MINDY3: variants seen among roughly 807,000 people sequenced by gnomAD.
MINDY3 encodes the protein ubiquitin carboxyl-terminal hydrolase MINDY-3.
In MINDY3, 38 loss-of-function variants were observed where a neutral mutation model predicts 69.2. That is an observed-to-expected ratio of 0.55 (90% CI 0.42 to 0.72). The LOEUF (loss-of-function observed/expected upper bound fraction) is 0.72. Among genes scored for constraint, MINDY3 ranks in the 30% least tolerant of loss-of-function variants. The pLI is 0.00. For synonymous variants in MINDY3, 192 were observed against 180.1 expected, an observed-to-expected ratio of 1.07 and a Z score of -0.53; for missense variants, 522 against 519.0, an observed-to-expected ratio of 1.01 and a Z score of -0.06.
chr10:15,816,562 A>G (rs1263043263), intron 10 of MINDY3, among the ~76,000 whole-genome samples: 1 of 149,626 alleles, frequency 6.7e-6, no homozygotes, highest in Non-Finnish European at 1.5e-5. Context: ...TGTTTTCTCT[A>G]TAACACAAGT....
intron 11 of MINDY3, among the ~76,000 whole-genome samples, chr10:15,791,280 A>C (rs1251885167): frequency 6.6e-6 from 1 of 152,028 alleles, no homozygotes; most frequent in African/African-American, 2.4e-5. Flanking sequence ...AATTCCTTAG[A>C]AAAAGGCCAG....
chr10:15,844,763 AG>A (rs780855535), intron 2 of MINDY3, among the ~76,000 whole-genome samples: 2 of 152,210 alleles, frequency 1.3e-5, no homozygotes, highest in African/African-American at 2.4e-5. Context: ...ACTATATAGC[AG>A]TATATGAGTG....
chr10:15,846,175 A>G (rs1833830980), intron 2 of MINDY3, among the ~76,000 whole-genome samples: 1 of 152,156 alleles, frequency 6.6e-6, no homozygotes, highest in African/African-American at 2.4e-5. Flanking sequence ...TAGGTTCAGG[A>G]TTTTGAATAT....
chr10:15,781,855 C>G (rs1836556878), intron 14 of MINDY3, among the ~76,000 whole-genome samples: 4 of 152,180 alleles, frequency 2.6e-5, no homozygotes, highest in African/African-American at 9.7e-5. Flanking sequence ...TAACAACTTT[C>G]ACTGGACTAA....
chr10:15,839,872 T>C (rs573350339), intron 4 of MINDY3, among the ~76,000 whole-genome samples: 92 of 151,786 alleles, frequency 6.1e-4, no homozygotes, highest in African/African-American at 2.2e-3. Context: ...GAAAAATTAC[T>C]AAAATGTTTT....
chr10:15,838,042 G>A (rs1203743834), intron 5 of MINDY3, 186 bp downstream of exon 5: 1 of 980,932 alleles, frequency 1.0e-6, no homozygotes. Context: ...TAAGGACTCA[G>A]CATAGTTTAT....
At position 15,838,750 on chromosome 10, in the gene MINDY3, G is replaced by GAC. The variant is rs1247504656; in HGVS notation, c.410-473_410-472dup. ...CACTTTCAAACTACACAGGTTCAATGACAGCTTTAAGTTTGTTTCCTCATT... is the reference window on the plus strand; with the variant it reads ...CACTTTCAAACTACACAGGTTCAATGACACAGCTTTAAGTTTGTTTCCTCATT... On this transcript the variant is annotated intron_variant, in intron 4 of 14. Transcript: ENST00000277632. Among the ~76,000 whole-genome samples the GAC allele has an allele frequency of 7.2e-5, 11 of 151,780 alleles. No homozygotes were observed. In the East Asian group the frequency reaches 1.9e-3, roughly 27 times the overall value.
intron 8 of MINDY3, among the ~76,000 whole-genome samples, chr10:15,828,410 T>C (rs1336797624): frequency 1.3e-5 from 2 of 152,174 alleles, no homozygotes; most frequent in African/African-American, 2.4e-5. Flanking sequence ...ATGCTAGGGC[T>C]GGCGTGGAAG....
chr10:15,796,593 A>G (rs1208443576), intron 10 of MINDY3, among the ~76,000 whole-genome samples: 1 of 152,044 alleles, frequency 6.6e-6, no homozygotes, highest in Admixed American at 6.6e-5. Context: ...ATATTCGAAA[A>G]TAAAATCCAG....
chr10:15,787,880 T>A (rs1837094253), intron 12 of MINDY3, among the ~76,000 whole-genome samples: 1 of 152,146 alleles, frequency 6.6e-6, no homozygotes, highest in South Asian at 2.1e-4. Context: ...ATGGCCCAGT[T>A]ATTTCATGGG....
chr10:15,835,227 A>G (rs1408385413), intron 6 of MINDY3, among the ~76,000 whole-genome samples: 1 of 152,080 alleles, frequency 6.6e-6, no homozygotes, highest in East Asian at 1.9e-4. Flanking sequence ...TCAGAAGGGC[A>G]CTCAACTCCC....
chr10:15,844,577 T>G (rs529472044), intron 2 of MINDY3, among the ~76,000 whole-genome samples: 1 of 152,342 alleles, frequency 6.6e-6, no homozygotes, highest in Non-Finnish European at 1.5e-5. Context: ...TACATTATTG[T>G]GCATTAGGTT....
At chr10:15,818,763 G>C (rs1315986233) in intron 9 of MINDY3, among the ~76,000 whole-genome samples, 1 of 152,178 alleles carries the variant, frequency 6.6e-6, no homozygotes, top group Non-Finnish European at 1.5e-5. Context: ...TGATTCCATT[G>C]GTATGAAATG....
chr10:15,860,256 G>C lies in MINDY3; in HGVS notation c.44C>G (p.Thr15Ser). The C allele has an allele frequency of 1.9e-6, 3 of 1,611,064 alleles. No individual in the cohort carries two copies. Among genetic ancestry groups the C allele is most frequent in the Non-Finnish European group, 2.5e-6 (3 of 1,178,794 alleles). ...GTCCGAGAGACCGGGGCTGCTCTTG[G>C]TGCCCCACACCAGCTCCATCAGCTC... The part of the protein sequence containing the change: ...TKELMELVWG[T>S]KSSPGLSDTI... The change falls in exon 1 of 15, where the codon ACC becomes AGC. Residue 15 changes from threonine (T) to serine (S), a missense_variant. Thr to Ser is a moderately conservative substitution (Grantham distance 58). Transcript: ENST00000277632.
At chr10:15,851,651 G>A (rs775395741) in intron 1 of MINDY3, among the ~76,000 whole-genome samples, 3 of 151,820 alleles carry the variant, frequency 2.0e-5, no homozygotes, top group Admixed American at 1.3e-4. Context: ...AGTTCAAACC[G>A]CTATAATCTT....
At chr10:15,803,383 G>C (rs979878513) in intron 10 of MINDY3, among the ~76,000 whole-genome samples, 14 of 152,138 alleles carry the variant, frequency 9.2e-5, no homozygotes, top group Admixed American at 2.6e-4. Context: ...TGCATAGCAA[G>C]TTTGAAGAGC....
At chr10:15,786,779 C>A in intron 12 of MINDY3, 131 bp from the exon 13 acceptor site, 1 of 634,908 alleles carries the variant, frequency 1.6e-6, no homozygotes, top group Non-Finnish European at 2.8e-6. Context: ...TTTTTAGAAC[C>A]TTAATGACAA....
At chr10:15,852,173 T>C (rs1363699773) in intron 1 of MINDY3, among the ~76,000 whole-genome samples, 2 of 152,162 alleles carry the variant, frequency 1.3e-5, no homozygotes, top group East Asian at 3.9e-4. Flanking sequence ...TTCTTAATCA[T>C]CTGCCTTGCC....
At chr10:15,841,834 C>T (rs1387838007) in intron 3 of MINDY3, among the ~76,000 whole-genome samples, 1 of 151,774 alleles carries the variant, frequency 6.6e-6, no homozygotes, top group East Asian at 1.9e-4. Context: ...AAAAAGAATA[C>T]TGAAAAATGC....
Sources: gnomAD v4.1 joint callset for allele counts (sites outside exome capture counted in the v4.1 genomes callset) on GRCh38, gnomAD v4.1.1 for gene constraint, MANE v1.5 for transcripts, NCBI Gene and HGNC (gene_info 2026-07-23, HGNC 2026-07-21) for gene names.